PCSK5: variants seen among roughly 807,000 people sequenced by gnomAD.
PCSK5 encodes the protein prohormone convertase 5.
A neutral mutation model predicts 233.2 loss-of-function variants in PCSK5; 129 were observed. The observed-to-expected ratio is 0.55, with a 90% CI of 0.48 to 0.64. PCSK5 has a LOEUF of 0.64. Among genes scored for constraint, PCSK5 ranks in the 30% least tolerant of loss-of-function variants. The probability of loss-of-function intolerance (pLI) is 0.00; values close to 1 mark genes in which losing one functional copy is unlikely to be tolerated. For missense variants in PCSK5, 2,076 were observed against 2,430.1 expected (o/e 0.85, Z 3.06); for synonymous variants, 825 against 879.2 (o/e 0.94, Z 1.09).
At chr9:76,248,229 C>A (rs769169213) in intron 24 of PCSK5, among the ~76,000 whole-genome samples, 11 of 152,184 alleles carry the variant, frequency 7.2e-5, no homozygotes, top group Non-Finnish European at 1.0e-4. Context: ...CGCACCCAAC[C>A]TTTAGCTGTA....
chr9:76,051,470 T>C (rs964828533), intron 5 of PCSK5, among the ~76,000 whole-genome samples: 1 of 152,212 alleles, frequency 6.6e-6, no homozygotes, highest in African/African-American at 2.4e-5. Flanking sequence ...AAAATATTTC[T>C]TAAGTGGTAC....
chr9:76,255,569 C>G (rs941080469), intron 24 of PCSK5, among the ~76,000 whole-genome samples: 1 of 152,172 alleles, frequency 6.6e-6, no homozygotes, highest in Non-Finnish European at 1.5e-5. Flanking sequence ...ACCTGTAATC[C>G]TAGCACTTTG....
intron 33 of PCSK5, among the ~76,000 whole-genome samples, chr9:76,330,749 T>A (rs1829508782): frequency 6.6e-6 from 1 of 152,080 alleles, no homozygotes; most frequent in Non-Finnish European, 1.5e-5. Context: ...TCCTGATCAC[T>A]TCACAATAGA....
intron 20 of PCSK5, chr9:76,193,264 G>C (rs752713651): frequency 3.7e-6 from 6 of 1,613,376 alleles, no homozygotes; most frequent in Non-Finnish European, 5.1e-6. Context: ...GCGGAAGGAG[G>C]CTTCTGTATG....
intron 26 of PCSK5, 27 bp downstream of exon 26, chr9:76,295,438 G>A: frequency 6.2e-7 from 1 of 1,608,778 alleles, no homozygotes. Flanking sequence ...CACCATCCAA[G>A]CTAAGAACCA....
rs543309759 is a variant in PCSK5, at chr9:76,323,077, C to T, written c.4128C>T (p.His1376=). The T allele has an allele frequency of 2.1e-5, 34 of 1,605,850 alleles. 1 individual carries two copies. Among genetic ancestry groups the T allele is most frequent in the Admixed American group, 1.5e-4 (9 of 59,080 alleles). The change falls in exon 32 of 38, where the codon CAC becomes CAT. Residue 1376 remains histidine (H), a synonymous_variant. Coordinates refer to ENST00000674117, the MANE Select transcript of PCSK5 (RefSeq NM_001372043.1). ...CKECTPEFFL[H]DDMCHQSCPR... ...AGTGCACGCCTGAGTTCTTCCTGCACGATGATATGTGCCACCAGTCCTGTC... is the reference window on the plus strand; with the variant it reads ...AGTGCACGCCTGAGTTCTTCCTGCATGATGATATGTGCCACCAGTCCTGTC...
intron 7 of PCSK5, among the ~76,000 whole-genome samples, chr9:76,088,455 A>T (rs866800739): frequency 2.6e-5 from 4 of 152,232 alleles, no homozygotes; most frequent in African/African-American, 7.2e-5. Context: ...TACCTTAGTT[A>T]TTCTGAGAGC....
intron 24 of PCSK5, among the ~76,000 whole-genome samples, chr9:76,253,189 G>A (rs1404068530): frequency 6.6e-6 from 1 of 151,764 alleles, no homozygotes; most frequent in African/African-American, 2.4e-5. Context: ...GGGAGTTACT[G>A]ACCATCGTCT....
At chr9:76,220,854 C>G (rs1486130577) in intron 20 of PCSK5, among the ~76,000 whole-genome samples, 1 of 152,084 alleles carries the variant, frequency 6.6e-6, no homozygotes, top group Non-Finnish European at 1.5e-5. Flanking sequence ...CCATAAATCT[C>G]TCGAACTTAT....
At chr9:76,224,034 G>A (rs534909017) in intron 20 of PCSK5, among the ~76,000 whole-genome samples, 2 of 152,108 alleles carry the variant, frequency 1.3e-5, no homozygotes, top group Non-Finnish European at 2.9e-5. Context: ...CTGTTCTAAC[G>A]TGAAGAGGCA....
At chr9:76,059,429 T>C (rs892976643) in intron 5 of PCSK5, among the ~76,000 whole-genome samples, 6 of 152,252 alleles carry the variant, frequency 3.9e-5, no homozygotes, top group Non-Finnish European at 8.8e-5. Context: ...ATGAAGTCCT[T>C]GCCCATGCCT....
intron 2 of PCSK5, among the ~76,000 whole-genome samples, chr9:75,934,312 G>A (rs1444995805): frequency 1.3e-5 from 2 of 152,146 alleles, no homozygotes; most frequent in Admixed American, 6.5e-5. Context: ...GGACAGCCAC[G>A]GTTCCTACCA....
At chr9:76,166,216 C>G (rs1413089149) in intron 12 of PCSK5, among the ~76,000 whole-genome samples, 2 of 152,066 alleles carry the variant, frequency 1.3e-5, no homozygotes, top group Non-Finnish European at 2.9e-5. Context: ...ATTTTCATTC[C>G]TCTCCTCAAC....
intron 8 of PCSK5, among the ~76,000 whole-genome samples, chr9:76,105,426 C>T (rs1045702181): frequency 2.0e-5 from 3 of 151,960 alleles, no homozygotes; most frequent in African/African-American, 7.3e-5. Flanking sequence ...TTGAGTTCTG[C>T]AAGATGAAAA....
At chr9:76,299,290 A>G (rs1239691305) in intron 27 of PCSK5, among the ~76,000 whole-genome samples, 2 of 152,188 alleles carry the variant, frequency 1.3e-5, no homozygotes, top group Non-Finnish European at 2.9e-5. Context: ...TCACTGCACA[A>G]ATGTATAGAT....
At chr9:76,080,711 A>G (rs1369671809) in intron 7 of PCSK5, among the ~76,000 whole-genome samples, 3 of 152,204 alleles carry the variant, frequency 2.0e-5, no homozygotes, top group Non-Finnish European at 4.4e-5. Flanking sequence ...TTGTTTCTAT[A>G]TTAAAATGGA....
chr9:76,010,005 A>G (rs1827663131), intron 3 of PCSK5, among the ~76,000 whole-genome samples: 1 of 151,630 alleles, frequency 6.6e-6, no homozygotes, highest in East Asian at 1.9e-4. Flanking sequence ...CCAGTGACCC[A>G]GTTTTAGCCA....
intron 2 of PCSK5, among the ~76,000 whole-genome samples, chr9:75,983,991 C>A (rs1004649619): frequency 7.2e-5 from 11 of 151,882 alleles, no homozygotes; most frequent in Non-Finnish European, 7.4e-5. Context: ...CTAAAAAAAA[C>A]CCACTGAACT....
At chr9:75,890,191 G>A (rs1324869115), upstream of PCSK5, among the ~76,000 whole-genome samples, 1 of 152,182 alleles carries the variant, frequency 6.6e-6, no homozygotes, top group South Asian at 2.1e-4. Flanking sequence ...CTTCTCCCGG[G>A]AGCAGAAAGT....
Sources: allele counts gnomAD v4.1 joint callset (sites outside exome capture counted in the v4.1 genomes callset), GRCh38; gene constraint gnomAD v4.1.1; transcripts MANE v1.5; gene names NCBI Gene and HGNC (gene_info 2026-07-23, HGNC 2026-07-21).